The following AGTPBP1 variants were observed in gnomAD, a reference collection of about 807,000 sequenced individuals.
AGTPBP1 encodes cytosolic carboxypeptidase 1.
A neutral mutation model predicts 143.9 loss-of-function variants in AGTPBP1; 70 were observed. The observed-to-expected ratio is 0.49, with a 90% CI of 0.40 to 0.59. The LOEUF is 0.59. Among genes scored for constraint, AGTPBP1 ranks in the 20% least tolerant of loss-of-function variants. AGTPBP1 has a pLI of 0.00. For synonymous variants in AGTPBP1, 463 were observed against 500.2 expected (o/e 0.93, Z 0.99); for missense variants, 1,229 against 1,464.5 (o/e 0.84, Z 2.62).
chr9:85,678,245 G>A, intron 5 of AGTPBP1, 90 bp downstream of exon 5: 3 of 796,828 alleles, frequency 3.8e-6, no homozygotes, highest in Middle Eastern at 2.6e-4. Flanking sequence ...GCCTCTATAA[G>A]AGTATCGGAA....
At chr9:85,697,289 A>C (rs1233546417) in intron 2 of AGTPBP1, among the ~76,000 whole-genome samples, 2 of 152,138 alleles carry the variant, frequency 1.3e-5, no homozygotes, top group African/African-American at 4.8e-5. Flanking sequence ...GCAAAAATGT[A>C]ATAAAATATG....
Position 85,632,667 on chromosome 9 carries a change from T to A in AGTPBP1, c.2010A>T (p.Val670=). The A allele has an allele frequency of 6.3e-7, 1 of 1,596,692 alleles. No individual in the cohort carries two copies. Among genetic ancestry groups the A allele is most frequent in the Non-Finnish European group, 8.5e-7 (1 of 1,171,470 alleles). The part of the protein sequence containing the change: ...KEPILERPYG[V]QRTKIAQDIE... ...GGAAGAAATATGCAACTCACCTTTGTACACCATAAGGCCTTTCTAAAATAG... is the reference window on the plus strand; with the variant it reads ...GGAAGAAATATGCAACTCACCTTTGAACACCATAAGGCCTTTCTAAAATAG... The change falls in exon 14 of 26, where the codon GTA becomes GTT. Residue 670 remains valine, a synonymous_variant. Coordinates refer to ENST00000357081, the MANE Select transcript of AGTPBP1 (RefSeq NM_001330701.2).
chr9:85,776,923 C>G, the AGTPBP1 span, among the ~76,000 whole-genome samples: 1 of 152,164 alleles, frequency 6.6e-6, no homozygotes, highest in Admixed American at 6.5e-5. Flanking sequence ...ATGGAAGAAA[C>G]AGTACCATAT....
chr9:85,655,059 G>A, intron 11 of AGTPBP1, 84 bp downstream of exon 11: 5 of 1,237,686 alleles, frequency 4.0e-6, no homozygotes, highest in Non-Finnish European at 5.5e-6. Flanking sequence ...CTTTGCTGAG[G>A]AGTTAGACAT....
At chr9:85,779,776 T>C in the AGTPBP1 span, among the ~76,000 whole-genome samples, 1 of 152,250 alleles carries the variant, frequency 6.6e-6, no homozygotes, top group Admixed American at 6.5e-5. Flanking sequence ...GGGAAGATTA[T>C]TTGAACCCAG....
chr9:85,741,961 A>C (rs1017196000), upstream of AGTPBP1: 2 of 1,254,830 alleles, frequency 1.6e-6, no homozygotes, highest in Non-Finnish European at 2.0e-6. Context: ...ACCTGTCCGC[A>C]TCCCGGGCAA....
chr9:85,667,490 G>C (rs1036044427), intron 8 of AGTPBP1, among the ~76,000 whole-genome samples: 1 of 152,040 alleles, frequency 6.6e-6, no homozygotes. Flanking sequence ...ACAGATACAG[G>C]CAGTGTCATG....
Position 85,741,852 on chromosome 9 carries a change from T to TCGCCGCC in AGTPBP1, c.-118_-112dup, listed in dbSNP as rs1824323759. The TCGCCGCC allele has an allele frequency of 1.3e-5, 18 of 1,397,890 alleles. No individual in the cohort carries two copies. Among genetic ancestry groups the TCGCCGCC allele is most frequent in the Middle Eastern group, 2.6e-4 (1 of 3,850 alleles). The allele number at this position is 1,397,890 out of a possible 1,614,324, so 86.6% of individuals were successfully genotyped here. A position where few individuals can be genotyped will look rare whatever the true frequency, so the allele number is the denominator to read the frequency against. ...CAGCACCTGGATCACGGCGGATCCC[T>TCGCCGCC]CGCCGCCCGCCGCCCGGTGTTTTCA... On this transcript the variant is annotated 5_prime_UTR_variant, in exon 1 of 26. The change creates a premature stop within an existing upstream ORF in the 5' untranslated region. Transcript: ENST00000357081.
At chr9:85,746,099 G>A (rs1267318520), upstream of AGTPBP1, among the ~76,000 whole-genome samples, 4 of 151,988 alleles carry the variant, frequency 2.6e-5, no homozygotes, top group African/African-American at 4.8e-5. Context: ...AGGGTGGGGC[G>A]ACCAGCCTTC....
intron 15 of AGTPBP1, among the ~76,000 whole-genome samples, chr9:85,619,598 T>A (rs1830793494): frequency 6.6e-6 from 1 of 152,188 alleles, no homozygotes; most frequent in South Asian, 2.1e-4. Flanking sequence ...AGAACATTTT[T>A]AAAACGGCTA....
chr9:85,678,364 A>G lies in AGTPBP1; in HGVS notation c.260T>C (p.Leu87Ser). 1 of 1,595,186 alleles carries G rather than the reference A, an allele frequency of 6.3e-7. No individual in the cohort carries two copies. Among genetic ancestry groups the G allele is most frequent in the Non-Finnish European group, 8.6e-7 (1 of 1,168,278 alleles). Residue 87 changes from leucine to serine, a missense_variant, in exon 5 of 26, where the codon TTA (leucine) becomes TCA (serine). By Grantham distance (145) the Leu-to-Ser change is moderately radical. Coordinates refer to ENST00000357081, the MANE Select transcript of AGTPBP1 (RefSeq NM_001330701.2). The stretch of plus-strand genomic sequence containing the variant: ...TGACACCAGCTCAACAAGAATGCTT[A>G]AGATATTAAGTGTAGTTTGAAGATC... ...TKDLQTTLNI[L>S]SILVELVSAG...
the AGTPBP1 span, among the ~76,000 whole-genome samples, chr9:85,794,555 T>G: frequency 1.3e-5 from 2 of 152,230 alleles, no homozygotes; most frequent in African/African-American, 4.8e-5. Context: ...GTCTTGATTA[T>G]GTAGTAAATC....
intron 25 of AGTPBP1, among the ~76,000 whole-genome samples, chr9:85,547,537 T>C (rs1825801715): frequency 6.6e-6 from 1 of 152,234 alleles, no homozygotes; most frequent in Non-Finnish European, 1.5e-5. Flanking sequence ...ATTAGATAGA[T>C]AGCTTAAAAA....
chr9:85,655,854 A>G (rs550332982), intron 10 of AGTPBP1, among the ~76,000 whole-genome samples: 17 of 152,104 alleles, frequency 1.1e-4, no homozygotes, highest in Admixed American at 3.3e-4. Flanking sequence ...TTGAGATGGA[A>G]TCTCGCTCTG....
In AGTPBP1 at chr9:85,660,885, T is replaced by C. The variant is rs368747483; in HGVS notation, c.700+51A>G. 8.5e-6 allele frequency: 11 copies of C among 1,301,614 alleles called. No individual in the cohort carries two copies. In the Admixed American group the frequency reaches 1.2e-4, roughly 15 times the overall value. 80.6% of individuals were successfully genotyped at this position (1,301,614 alleles called of 1,614,324 possible). A position where few individuals can be genotyped will look rare whatever the true frequency, so the allele number is the denominator to read the frequency against. ...TTTCCAGTTTCTTTAACATAATAAA[T>C]AGAATTCTCAGAAAAATAGTATCTA... On this transcript the variant is annotated intron_variant, in intron 9 of 25. Transcript: ENST00000357081.
intron 6 of AGTPBP1, among the ~76,000 whole-genome samples, chr9:85,673,584 C>T (rs1834626732): frequency 6.6e-6 from 1 of 151,750 alleles, no homozygotes; most frequent in Non-Finnish European, 1.5e-5. Flanking sequence ...GAGATTAAAA[C>T]AGTAAAAAAA....
At chr9:85,614,749 A>G (rs930458188) in intron 17 of AGTPBP1, among the ~76,000 whole-genome samples, 1 of 152,152 alleles carries the variant, frequency 6.6e-6, no homozygotes, top group Non-Finnish European at 1.5e-5. Flanking sequence ...ACCCCCAAAC[A>G]TAATTAGTGT....
the AGTPBP1 span, among the ~76,000 whole-genome samples, chr9:85,764,140 C>T: frequency 2.6e-5 from 4 of 151,502 alleles, no homozygotes; most frequent in South Asian, 2.1e-4. Context: ...AAAAATACTG[C>T]CTCTGAAAAC....
chr9:85,743,858 G>A (rs968786376), upstream of AGTPBP1, among the ~76,000 whole-genome samples: 1 of 151,580 alleles, frequency 6.6e-6, no homozygotes, highest in African/African-American at 2.4e-5. Context: ...CATCTCTCCC[G>A]AGAACCTCAG....
Sources: allele counts gnomAD v4.1 joint callset (sites outside exome capture counted in the v4.1 genomes callset), GRCh38; gene constraint gnomAD v4.1.1; transcripts MANE v1.5; gene names NCBI Gene and HGNC (gene_info 2026-07-23, HGNC 2026-07-21).